Variants in UBR1 observed in about 807,000 individuals in gnomAD.
UBR1 encodes ubiquitin protein ligase E3 component n-recognin 1.
Under a neutral mutation model 242.1 loss-of-function variants are expected in UBR1, and 102 were observed. That is an observed-to-expected ratio of 0.42 (90% CI 0.36 to 0.50). The LOEUF (loss-of-function observed/expected upper bound fraction) is 0.50, where lower values mean the gene tolerates loss of function less well. Ranked by LOEUF, UBR1 falls within the 20% of genes least tolerant of loss-of-function variation. The pLI, the probability that UBR1 is intolerant of heterozygous loss-of-function variation, is 0.01. For missense variants in UBR1, 1,772 were observed against 2,101.8 expected (o/e 0.84, Z 3.07); for synonymous variants, 675 against 684.8 (o/e 0.99, Z 0.22).
intron 14 of UBR1, among the ~76,000 whole-genome samples, chr15:43,046,742 G>A (rs1472336780): frequency 6.6e-6 from 1 of 152,144 alleles, no homozygotes; most frequent in Admixed American, 6.5e-5. Flanking sequence ...GACGGTTATG[G>A]TCTAAAATTG....
intron 1 of UBR1, among the ~76,000 whole-genome samples, chr15:43,093,297 T>C (rs1372286225): frequency 6.6e-6 from 1 of 152,218 alleles, no homozygotes; most frequent in East Asian, 1.9e-4. Flanking sequence ...CTTAAACAAC[T>C]GCTAGACATC....
intron 4 of UBR1, among the ~76,000 whole-genome samples, chr15:43,072,022 T>C (rs946188572): frequency 1.3e-5 from 2 of 152,190 alleles, no homozygotes; most frequent in Non-Finnish European, 2.9e-5. Context: ...ACTAGGACTA[T>C]AGGCATGTGC....
chr15:43,036,069 T>TA (rs1386586789), intron 19 of UBR1, 109 bp downstream of exon 19: 2 of 990,148 alleles, frequency 2.0e-6, no homozygotes, highest in Admixed American at 1.9e-5. Flanking sequence ...CCCTAAAACT[T>TA]AAAGTATAAT....
At chr15:43,089,274 C>G (rs1216135220) in intron 1 of UBR1, among the ~76,000 whole-genome samples, 1 of 152,038 alleles carries the variant, frequency 6.6e-6, no homozygotes, top group Non-Finnish European at 1.5e-5. Context: ...GGGCGGATTA[C>G]GAGGTCAGGA....
chr15:42,965,673 G>A (rs1206748771), intron 41 of UBR1, among the ~76,000 whole-genome samples: 1 of 152,016 alleles, frequency 6.6e-6, no homozygotes, highest in African/African-American at 2.4e-5. Context: ...CACCATGTTG[G>A]CCTTGCTGGT....
chr15:43,055,208 G>A (rs1236716510), intron 11 of UBR1, among the ~76,000 whole-genome samples: 1 of 152,174 alleles, frequency 6.6e-6, no homozygotes, highest in Non-Finnish European at 1.5e-5. Context: ...ACTTTGGGAG[G>A]CCGAGGCAGG....
chr15:43,033,535 C>A (rs1041046103), intron 19 of UBR1, among the ~76,000 whole-genome samples: 1 of 152,030 alleles, frequency 6.6e-6, no homozygotes, highest in African/African-American at 2.4e-5. Flanking sequence ...TCCCAGCACG[C>A]CTGTAATCCT....
intron 45 of UBR1, among the ~76,000 whole-genome samples, chr15:42,951,401 C>T (rs1227093217): frequency 4.6e-5 from 7 of 152,212 alleles, no homozygotes; most frequent in African/African-American, 1.7e-4. Context: ...TGTTTGTCTT[C>T]TTAGCAGAGA....
In UBR1 at chr15:42,943,440, C is replaced by G. The variant is rs1161815283; in HGVS notation, c.*1889G>C. 1 of 152,502 alleles carries G rather than the reference C, an allele frequency of 6.6e-6. No homozygotes were observed. Among genetic ancestry groups the G allele is most frequent in the Non-Finnish European group, 1.5e-5 (1 of 68,026 alleles). 9.4% of individuals were successfully genotyped at this position (152,502 alleles called of 1,614,324 possible). On this transcript the variant is annotated 3_prime_UTR_variant, in exon 47 of 47. Transcript: ENST00000290650. ...CTGAGACATACGCTCATCTACAGTG[C>G]AAAAATCTGAATCAATCTCAATCAG... is the stretch of plus-strand genomic sequence containing the variant.
chr15:43,059,412 A>G (rs1295368275), intron 8 of UBR1, among the ~76,000 whole-genome samples: 1 of 152,118 alleles, frequency 6.6e-6, no homozygotes, highest in Admixed American at 6.6e-5. Flanking sequence ...ATTTCCTATA[A>G]CATGTGAAAA....
At chr15:43,099,230 G>A (rs983256274) in intron 1 of UBR1, among the ~76,000 whole-genome samples, 1 of 151,888 alleles carries the variant, frequency 6.6e-6, no homozygotes, top group African/African-American at 2.4e-5. Flanking sequence ...CCAGCTACTC[G>A]GGAGGCTGAG....
Position 42,990,114 on chromosome 15 carries a change from T to C in UBR1, c.3764A>G (p.Asn1255Ser). Residue 1255 changes from asparagine to serine, a missense_variant, in exon 34 of 47, where the codon AAC becomes AGC. Coordinates refer to ENST00000290650, the MANE Select transcript of UBR1 (RefSeq NM_174916.3). ...GYNIRHAKGE[N>S]PIPIFFNQGM... ...TTGATTAAAGAAAATAGGAATTGGG[T>C]TTTCTCCTTATAAATTAAAAGGAAA... 1 of 1,589,704 alleles carries C rather than the reference T, an allele frequency of 6.3e-7. No individual in the cohort carries two copies. Among genetic ancestry groups the C allele is most frequent in the Non-Finnish European group, 8.6e-7 (1 of 1,164,280 alleles).
At chr15:43,093,047 A>C (rs2034121548) in intron 1 of UBR1, among the ~76,000 whole-genome samples, 1 of 152,202 alleles carries the variant, frequency 6.6e-6, no homozygotes, top group Non-Finnish European at 1.5e-5. Context: ...GGAAAAAAAA[A>C]ATAACTGTTT....
intron 35 of UBR1, among the ~76,000 whole-genome samples, chr15:42,986,817 C>A (rs2141274418): frequency 6.6e-6 from 1 of 152,342 alleles, no homozygotes; most frequent in East Asian, 1.9e-4. Context: ...CACGCCACGG[C>A]AGTACCCGGG....
chr15:42,993,327 A>C (rs1250807487), intron 33 of UBR1, among the ~76,000 whole-genome samples: 1 of 151,922 alleles, frequency 6.6e-6, no homozygotes, highest in African/African-American at 2.4e-5. Flanking sequence ...GTATCCTGTG[A>C]AAGTATGAGG....
In UBR1 at chr15:42,945,290, C is replaced by T; in HGVS notation, c.*39G>A. The T allele has an allele frequency of 6.2e-7, 1 of 1,614,000 alleles. No individual in the cohort carries two copies. The highest frequency in any genetic ancestry group is 1.1e-5 in the South Asian group (1 of 91,038). ...CATAATTTTGAATCAGCCTTTACTACTGTCGTCATTTGTGATTGTCTTGAG... is the reference window on the plus strand; with the variant it reads ...CATAATTTTGAATCAGCCTTTACTATTGTCGTCATTTGTGATTGTCTTGAG... On this transcript the variant is annotated 3_prime_UTR_variant, in exon 47 of 47. Transcript: ENST00000290650.
At chr15:43,013,406 G>C (rs2032955722) in intron 29 of UBR1, among the ~76,000 whole-genome samples, 1 of 152,116 alleles carries the variant, frequency 6.6e-6, no homozygotes, top group Admixed American at 6.5e-5. Flanking sequence ...TCAGAACTCA[G>C]AAAACCAGAT....
intron 12 of UBR1, among the ~76,000 whole-genome samples, chr15:43,052,044 A>C (rs1226542136): frequency 6.6e-6 from 1 of 152,266 alleles, no homozygotes; most frequent in Non-Finnish European, 1.5e-5. Flanking sequence ...CCTCCCAAAA[A>C]GCAAGTGACA....
intron 46 of UBR1, among the ~76,000 whole-genome samples, chr15:42,948,533 C>T (rs1044126071): frequency 6.6e-6 from 1 of 152,106 alleles, no homozygotes; most frequent in Admixed American, 6.6e-5. Context: ...ACCTACTCAT[C>T]TGACAAAGAG....
Sources: allele counts gnomAD v4.1 joint callset (sites outside exome capture counted in the v4.1 genomes callset), GRCh38; gene constraint gnomAD v4.1.1; transcripts MANE v1.5; gene names NCBI Gene and HGNC (gene_info 2026-07-23, HGNC 2026-07-21).